N4BP2: variants seen among roughly 807,000 people sequenced by gnomAD.
The protein encoded by N4BP2 is NEDD4-binding protein 2.
N4BP2 carries 91 observed loss-of-function variants against 152.8 expected under a neutral mutation model. The ratio of observed to expected loss-of-function variants is 0.60; its 90% CI spans 0.50 to 0.71. The LOEUF is 0.71. Among genes scored for constraint, N4BP2 ranks in the 30% least tolerant of loss-of-function variants. N4BP2 has a pLI of 0.00. For synonymous variants in N4BP2, 646 were observed against 705.3 expected (o/e 0.92, Z 1.33); for missense variants, 1,923 against 2,059.1 (o/e 0.93, Z 1.28).
chr4:40,164,854 G>A, the N4BP2 span, among the ~76,000 whole-genome samples: 3 of 152,016 alleles, frequency 2.0e-5, no homozygotes, highest in Non-Finnish European at 4.4e-5. Context: ...GATTATTGTG[G>A]TTTCCCTATT....
chr4:40,147,162 C>T (rs1184316353), intron 16 of N4BP2, among the ~76,000 whole-genome samples: 21 of 150,090 alleles, frequency 1.4e-4, no homozygotes, highest in Admixed American at 7.3e-4. Flanking sequence ...GCACATCTTG[C>T]ACCGCCCTTA....
Position 40,122,172 on chromosome 4 carries a change from G to A in N4BP2, c.4061G>A (p.Gly1354Glu). Residue 1354 changes from glycine (G) to glutamate (E), a missense_variant, in exon 9 of 18, where the codon GGG becomes GAG. Transcript: ENST00000261435. ...AGTAGTTTATCAGCTGGAGTTAGTG[G>A]GGAAGATAAAACCGAGATATTGAAT... The part of the protein sequence containing the change: ...AGSSLSAGVS[G>E]EDKTEILNPT... The A allele has an allele frequency of 6.2e-7, 1 of 1,613,548 alleles. No individual in the cohort carries two copies. The highest frequency in any genetic ancestry group is 8.5e-7 in the Non-Finnish European group (1 of 1,179,618).
chr4:40,181,030 G>A, the N4BP2 span, among the ~76,000 whole-genome samples: 691 of 152,176 alleles, frequency 4.5e-3, no homozygotes, highest in Middle Eastern at 0.024. Flanking sequence ...TGTGCCTGTA[G>A]TCCCAGCTAC....
At chr4:40,187,642 A>C in the N4BP2 span, among the ~76,000 whole-genome samples, 1 of 152,234 alleles carries the variant, frequency 6.6e-6, no homozygotes, top group East Asian at 1.9e-4. Flanking sequence ...TATTCACTTA[A>C]GAGAGCTAAC....
chr4:40,161,473 C>T (rs1422906240), downstream of N4BP2, among the ~76,000 whole-genome samples: 2 of 152,104 alleles, frequency 1.3e-5, no homozygotes, highest in African/African-American at 4.8e-5. Context: ...ATTTGTGGAC[C>T]TTTTTTGGGT....
At chr4:40,083,152 G>GA (rs1463006110) in intron 2 of N4BP2, 8 of 155,980 alleles carry the variant, frequency 5.1e-5, no homozygotes, top group African/African-American at 1.9e-4. Flanking sequence ...AGGAAAAAAA[G>GA]AAAAACAAAC....
At chr4:40,103,427 T>C (rs1293265378) in intron 4 of N4BP2, among the ~76,000 whole-genome samples, 4 of 152,194 alleles carry the variant, frequency 2.6e-5, no homozygotes, top group Non-Finnish European at 5.9e-5. Context: ...AATATCTCTT[T>C]GAAAGACAGA....
intron 1 of N4BP2, among the ~76,000 whole-genome samples, chr4:40,058,902 C>T (rs1054425969): frequency 2.0e-5 from 3 of 151,860 alleles, no homozygotes; most frequent in Admixed American, 6.6e-5. Context: ...CTCACTGCAA[C>T]GTCTGCCTCC....
At chr4:40,093,476 A>G (rs1414253602) in intron 2 of N4BP2, among the ~76,000 whole-genome samples, 1 of 150,750 alleles carries the variant, frequency 6.6e-6, no homozygotes, top group African/African-American at 2.4e-5. Context: ...GCTCGATCTT[A>G]GCTCACTGCA....
chr4:40,141,925 A>G (rs1406745931), intron 14 of N4BP2, among the ~76,000 whole-genome samples: 1 of 152,128 alleles, frequency 6.6e-6, no homozygotes, highest in South Asian at 2.1e-4. Flanking sequence ...GTCTCCACCA[A>G]AAAAATAGGA....
At chr4:40,175,676 C>T in the N4BP2 span, among the ~76,000 whole-genome samples, 4 of 151,784 alleles carry the variant, frequency 2.6e-5, no homozygotes, top group African/African-American at 7.3e-5. Context: ...GGCGTGGTGG[C>T]GGGCGCCTGT....
intron 1 of N4BP2, among the ~76,000 whole-genome samples, chr4:40,064,173 C>T (rs1578933750): frequency 6.6e-6 from 1 of 152,236 alleles, no homozygotes; most frequent in East Asian, 1.9e-4. Context: ...TAAAGAGATG[C>T]CCTGTACTAT....
chr4:40,154,108 G>T, intron 17 of N4BP2, 84 bp from the exon 18 acceptor site: 1 of 911,452 alleles, frequency 1.1e-6, no homozygotes, highest in Non-Finnish European at 1.8e-6. Flanking sequence ...ATTAAGCGTA[G>T]GTACTTGGAA....
In N4BP2 at chr4:40,063,769, G is replaced by A. The variant is rs190199514; in HGVS notation, c.-212+6739G>A. ...AGCGATTCTCCTGTCTCAGCCTCCC[G>A]AGTAGCTGGGATTACAGGTGTGCAT... On this transcript the variant is annotated intron_variant, in intron 1 of 17. Transcript: ENST00000261435. 2.4e-4 allele frequency among the ~76,000 whole-genome samples: 36 copies of A among 151,790 alleles called. No individual in the cohort carries two copies. The East Asian group carries it at 5.4e-3, about 23-fold the overall frequency.
intron 1 of N4BP2, among the ~76,000 whole-genome samples, chr4:40,057,953 C>T (rs1733353796): frequency 6.6e-6 from 1 of 152,216 alleles, no homozygotes; most frequent in East Asian, 1.9e-4. Flanking sequence ...GTCTCCATGG[C>T]ACAGTTCTGG....
chr4:40,092,567 G>C (rs1240963329), intron 2 of N4BP2, among the ~76,000 whole-genome samples: 1 of 150,834 alleles, frequency 6.6e-6, no homozygotes, highest in South Asian at 2.1e-4. Flanking sequence ...GATCATTTGG[G>C]TAAACCAGCA....
downstream of N4BP2, among the ~76,000 whole-genome samples, chr4:40,158,468 C>T (rs1403040191): frequency 6.6e-6 from 1 of 152,120 alleles, no homozygotes; most frequent in Non-Finnish European, 1.5e-5. Flanking sequence ...TCTCCTCACA[C>T]CCTGTATCTT....
chr4:40,175,443 G>A, the N4BP2 span, among the ~76,000 whole-genome samples: 1 of 152,028 alleles, frequency 6.6e-6, no homozygotes, highest in Non-Finnish European at 1.5e-5. Flanking sequence ...GGGATACAAA[G>A]TAGCAGACAC....
At chr4:40,086,915 T>G (rs890716773) in intron 2 of N4BP2, among the ~76,000 whole-genome samples, 7 of 151,836 alleles carry the variant, frequency 4.6e-5, no homozygotes, top group African/African-American at 1.7e-4. Flanking sequence ...GCCTAAGTTT[T>G]TAAAAGATTT....
Sources: allele counts gnomAD v4.1 joint callset (sites outside exome capture counted in the v4.1 genomes callset), GRCh38; gene constraint gnomAD v4.1.1; transcripts MANE v1.5; gene names NCBI Gene and HGNC (gene_info 2026-07-23, HGNC 2026-07-21).